The following GRID2 variants were observed in gnomAD, a reference collection of about 807,000 sequenced individuals.
GRID2 encodes the protein glutamate ionotropic receptor delta type subunit 2.
Under a neutral mutation model 114.8 loss-of-function variants are expected in GRID2, and 33 were observed. The observed-to-expected ratio is 0.29, with a 90% CI of 0.22 to 0.38. The LOEUF (loss-of-function observed/expected upper bound fraction) is 0.38, where lower values mean the gene tolerates loss of function less well. GRID2 is among the 10% of genes least tolerant of loss of function. The pLI, the probability that GRID2 is intolerant of heterozygous loss-of-function variation, is 1.00. For synonymous variants in GRID2, 505 were observed against 449.9 expected (o/e 1.12, Z -1.55); for missense variants, 1,184 against 1,257.7 (o/e 0.94, Z 0.89).
intron 2 of GRID2, among the ~76,000 whole-genome samples, chr4:92,815,686 G>T (rs1367595214): frequency 6.6e-6 from 1 of 151,786 alleles, no homozygotes; most frequent in African/African-American, 2.4e-5. Flanking sequence ...GCTGAGGCAG[G>T]GGGATTGCTT....
Position 92,994,789 on chromosome 4 carries a change from C to T in GRID2, c.245-90206C>T, listed in dbSNP as rs182391390. Among the ~76,000 whole-genome samples the T allele has an allele frequency of 8.1e-4, 123 of 152,260 alleles. 1 individual carries two copies. The East Asian group carries it at 0.022, about 27-fold the overall frequency. On this transcript the variant is annotated intron_variant, in intron 2 of 15. Coordinates refer to ENST00000282020, the MANE Select transcript of GRID2 (RefSeq NM_001510.4). ...ACACAGTCTTTCACATTGGTGCCAA[C>T]GAAGGCATTTTGGTATATTCCCTGG...
At chr4:92,689,453 G>A (rs577333051) in intron 2 of GRID2, among the ~76,000 whole-genome samples, 3 of 152,298 alleles carry the variant, frequency 2.0e-5, no homozygotes, top group Non-Finnish European at 4.4e-5. Context: ...GGGCCAGTTA[G>A]GAACTCGACC....
chr4:93,193,191 T>C (rs1188201002), intron 4 of GRID2, among the ~76,000 whole-genome samples: 1 of 152,124 alleles, frequency 6.6e-6, no homozygotes, highest in African/African-American at 2.4e-5. Context: ...ACTGTTTCTG[T>C]AGAGGAATAC....
chr4:93,362,263 C>T (rs556137195), intron 8 of GRID2, among the ~76,000 whole-genome samples: 5 of 152,044 alleles, frequency 3.3e-5, no homozygotes, highest in Admixed American at 3.3e-4. Flanking sequence ...TGGTAGAATG[C>T]CATTACTTGT....
rs1458674578 is a variant in GRID2, at chr4:93,665,091, C to A, written c.2360+38656C>A. ...TAAGAAAGGGGATCCCCATTGCATA[C>A]CATCCAGTTTCAACTTGTCTTTTAT... is the stretch of plus-strand genomic sequence containing the variant. On this transcript the variant is annotated intron_variant, in intron 14 of 15. Transcript: ENST00000282020. Among the ~76,000 whole-genome samples the A allele has an allele frequency of 7.2e-5, 11 of 152,092 alleles. 1 individual carries two copies. The highest frequency in any genetic ancestry group is 7.2e-4 in the Admixed American group (11 of 15,252).
chr4:93,603,218 A>AAGAAC (rs1739878291), intron 13 of GRID2, among the ~76,000 whole-genome samples: 1 of 150,490 alleles, frequency 6.6e-6, no homozygotes, highest in Non-Finnish European at 1.5e-5. Flanking sequence ...CTCAAAAAAA[A>AAGAAC]AGAAAAGAAA....
At chr4:92,662,715 G>T (rs976383216) in intron 2 of GRID2, among the ~76,000 whole-genome samples, 7 of 151,170 alleles carry the variant, frequency 4.6e-5, no homozygotes, top group Non-Finnish European at 8.9e-5. Context: ...TGAATTTATG[G>T]ATTATCTGGA....
chr4:93,326,202 G>A (rs768177150), intron 8 of GRID2, among the ~76,000 whole-genome samples: 4 of 152,096 alleles, frequency 2.6e-5, no homozygotes, highest in South Asian at 2.1e-4. Flanking sequence ...TGGAAGTGCC[G>A]AAGAAGTGGA....
chr4:93,661,303 T>G (rs539169354), intron 14 of GRID2, among the ~76,000 whole-genome samples: 1 of 152,312 alleles, frequency 6.6e-6, no homozygotes, highest in South Asian at 2.1e-4. Context: ...CAAGGTGATA[T>G]TCTATCATCT....
rs114645662 is a variant in GRID2, at chr4:92,484,747, G to A, written c.89-105384G>A. 1.7e-3 allele frequency among the ~76,000 whole-genome samples: 264 copies of A among 152,148 alleles called. 1 individual carries two copies. Among genetic ancestry groups the A allele is most frequent in the Non-Finnish European group, 3.0e-3 (202 of 67,972 alleles). Reference sequence around the variant, plus strand: ...AGATAGTAGGATGATTATGAAGAGCGTCATATGAAGAAGTACTATACAGGT... The same window carrying A: ...AGATAGTAGGATGATTATGAAGAGCATCATATGAAGAAGTACTATACAGGT... On this transcript the variant is annotated intron_variant, in intron 1 of 15. Coordinates refer to ENST00000282020, the MANE Select transcript of GRID2 (RefSeq NM_001510.4).
chr4:92,647,513 A>C (rs1278316755), intron 2 of GRID2, among the ~76,000 whole-genome samples: 1 of 149,598 alleles, frequency 6.7e-6, no homozygotes, highest in Non-Finnish European at 1.5e-5. Context: ...TAAGGAAACT[A>C]TAAAGCCACT....
intron 1 of GRID2, among the ~76,000 whole-genome samples, chr4:92,425,211 C>T (rs1160677946): frequency 1.3e-5 from 2 of 151,978 alleles, no homozygotes; most frequent in African/African-American, 4.8e-5. Context: ...ACAGCAAATA[C>T]AACCAAGAAA....
intron 8 of GRID2, among the ~76,000 whole-genome samples, chr4:93,262,887 T>C: frequency 6.6e-6 from 1 of 152,000 alleles, no homozygotes; most frequent in South Asian, 2.1e-4. Context: ...AAATGTTATT[T>C]CTGTTTACTA....
chr4:92,616,899 T>A (rs926742908), intron 2 of GRID2, among the ~76,000 whole-genome samples: 4 of 150,532 alleles, frequency 2.7e-5, no homozygotes, highest in African/African-American at 9.7e-5. Flanking sequence ...GGCAGTCTTT[T>A]AAGATGCTTA....
At chr4:93,638,321 A>ATTT (rs1560850925) in intron 14 of GRID2, among the ~76,000 whole-genome samples, 1 of 45,450 alleles carries the variant, frequency 2.2e-5, no homozygotes, top group Non-Finnish European at 4.2e-5. Flanking sequence ...TTTTTTTTTA[A>ATTT]TTATACTCTA....
chr4:92,430,855 A>C (rs1481217381), intron 1 of GRID2, among the ~76,000 whole-genome samples: 2 of 151,802 alleles, frequency 1.3e-5, no homozygotes, highest in African/African-American at 2.4e-5. Context: ...ATTTTATTTT[A>C]TTTGTAGCTG....
At chr4:92,620,226 T>C (rs1164556735) in intron 2 of GRID2, among the ~76,000 whole-genome samples, 1 of 151,660 alleles carries the variant, frequency 6.6e-6, no homozygotes, top group Non-Finnish European at 1.5e-5. Flanking sequence ...ATGGTTTGAG[T>C]GATGGAATGA....
chr4:93,431,704 T>C (rs1769429430), intron 10 of GRID2, among the ~76,000 whole-genome samples: 2 of 152,136 alleles, frequency 1.3e-5, no homozygotes, highest in African/African-American at 2.4e-5. Context: ...AGATAATAAT[T>C]GGAAGGGTCA....
intron 1 of GRID2, among the ~76,000 whole-genome samples, chr4:93,780,258 G>C (rs1207864457): frequency 6.6e-6 from 1 of 152,200 alleles, no homozygotes; most frequent in African/African-American, 2.4e-5. Context: ...AATGGACTGA[G>C]GGAGTTAGCC....
Sources: allele counts gnomAD v4.1 joint callset (sites outside exome capture counted in the v4.1 genomes callset), GRCh38; gene constraint gnomAD v4.1.1; transcripts MANE v1.5; gene names NCBI Gene and HGNC (gene_info 2026-07-23, HGNC 2026-07-21).